Variants in RGPD3 observed in about 807,000 individuals in gnomAD.
RGPD3 encodes the protein RANBP2 like and GRIP domain containing 3.
In RGPD3, 62 loss-of-function variants were observed where a neutral mutation model predicts 154.5. The ratio of observed to expected loss-of-function variants is 0.40; its 90% CI spans 0.33 to 0.50. The LOEUF (loss-of-function observed/expected upper bound fraction) is 0.50. Ranked by LOEUF, RGPD3 falls within the 20% of genes least tolerant of loss-of-function variation. The probability of loss-of-function intolerance (pLI) is 0.59; values close to 1 mark genes in which losing one functional copy is unlikely to be tolerated. For synonymous variants in RGPD3, 308 were observed against 607.0 expected (o/e 0.51, Z 7.24); for missense variants, 919 against 1,716.8 (o/e 0.54, Z 8.21).
Position 106,403,617 on chromosome 2 carries a change from A to G in RGPD3, c.*1602T>C, listed in dbSNP as rs1676425135. Reference sequence around the variant, plus strand: ...CAAAGAGAAAGTGAAATATATTTAAATATGATTAGTTACATCGTATGCAGC... The same window carrying G: ...CAAAGAGAAAGTGAAATATATTTAAGTATGATTAGTTACATCGTATGCAGC... On this transcript the variant is annotated 3_prime_UTR_variant, in exon 23 of 23. Coordinates refer to ENST00000409886, the MANE Select transcript of RGPD3 (RefSeq NM_001144013.2). Among the ~76,000 whole-genome samples the G allele has an allele frequency of 2.0e-5, 3 of 152,302 alleles. No homozygotes were observed. The highest frequency in any genetic ancestry group is 6.5e-5 in the Admixed American group (1 of 15,294).
chr2:106,406,814 A>G (rs1403026033), intron 22 of RGPD3, among the ~76,000 whole-genome samples: 1 of 152,138 alleles, frequency 6.6e-6, no homozygotes, highest in Non-Finnish European at 1.5e-5. Context: ...GTGTTTTCAT[A>G]CGTATATATG....
intron 1 of RGPD3, among the ~76,000 whole-genome samples, chr2:106,466,013 C>T (rs111757886): frequency 4.6e-5 from 7 of 151,922 alleles, no homozygotes; most frequent in Admixed American, 6.6e-5. Flanking sequence ...TGACCTCCGC[C>T]GCAGCATATA....
At chr2:106,438,668 G>A (rs1172742250) in intron 9 of RGPD3, among the ~76,000 whole-genome samples, 2 of 151,890 alleles carry the variant, frequency 1.3e-5, no homozygotes, top group African/African-American at 2.4e-5. Flanking sequence ...TTGTAATCCC[G>A]CTACTTGGGA....
rs1368993944 is a variant in RGPD3, at chr2:106,403,746, T to C, written c.*1473A>G. On this transcript the variant is annotated 3_prime_UTR_variant, in exon 23 of 23. Coordinates refer to ENST00000409886, the MANE Select transcript of RGPD3 (RefSeq NM_001144013.2). ...TCATACATTCGCTAGTTAGGTCTGTTCTTCTAAGGAGGAAAGACGAGATAT... is the reference window on the plus strand; with the variant it reads ...TCATACATTCGCTAGTTAGGTCTGTCCTTCTAAGGAGGAAAGACGAGATAT... Among the ~76,000 whole-genome samples, 1 of 152,278 alleles carries C rather than the reference T, an allele frequency of 6.6e-6. No homozygotes were observed. The highest frequency in any genetic ancestry group is 2.4e-5 in the African/African-American group (1 of 41,484).
At chr2:106,410,662 T>G (rs1167951758) in intron 22 of RGPD3, among the ~76,000 whole-genome samples, 1 of 152,178 alleles carries the variant, frequency 6.6e-6, no homozygotes, top group Admixed American at 6.5e-5. Flanking sequence ...ACTATAAAAT[T>G]AGTTATAATT....
intron 1 of RGPD3, among the ~76,000 whole-genome samples, chr2:106,466,067 C>T (rs1426164234): frequency 6.6e-6 from 1 of 151,962 alleles, no homozygotes; most frequent in East Asian, 1.9e-4. Context: ...CGATACAGCA[C>T]CCGGGTGCCC....
In RGPD3 at chr2:106,414,602, AC is replaced by A. The variant is rs1320151214; in HGVS notation, c.5064+1247del. Among the ~76,000 whole-genome samples, 12 of 149,914 alleles carry A rather than the reference AC, an allele frequency of 8.0e-5. No homozygotes were observed. The East Asian group carries it at 2.0e-3, about 25-fold the overall frequency. On this transcript the variant is annotated intron_variant, in intron 21 of 22. Coordinates refer to ENST00000409886, the MANE Select transcript of RGPD3 (RefSeq NM_001144013.2). ...GCACCACTGCACTCCAAACCTAGTG[AC>A]AGAGCGAGACTATCTCAAAAAAAAA...
chr2:106,468,068 C>G, intron 1 of RGPD3, 149 bp downstream of exon 1: 2 of 1,011,652 alleles, frequency 2.0e-6, no homozygotes, highest in Non-Finnish European at 2.6e-6. Flanking sequence ...GCCGCAGGGC[C>G]AGGTCGAGGC....
At chr2:106,446,726 C>CA (rs1401402465) in intron 7 of RGPD3, among the ~76,000 whole-genome samples, 5 of 147,244 alleles carry the variant, frequency 3.4e-5, no homozygotes, top group African/African-American at 1.2e-4. Context: ...ATTAAAAATA[C>CA]AAAAAATTAG....
Position 106,415,844 on chromosome 2 carries a change from T to A in RGPD3, c.5064+6A>T. 1.2e-6 allele frequency: 2 copies of A among 1,611,790 alleles called. No homozygotes were observed. The highest frequency in any genetic ancestry group is 1.7e-6 in the Non-Finnish European group (2 of 1,179,818). ...TTTTTATGGTGGCCAGGTTTTCTGA[T>A]CTCACCTTAATTTGCTCCATAAGGA... On this transcript the variant is annotated splice_donor_region_variant and intron_variant, in intron 21 of 22. Coordinates refer to ENST00000409886, the MANE Select transcript of RGPD3 (RefSeq NM_001144013.2).
chr2:106,451,834 C>A (rs1678133277), intron 6 of RGPD3, among the ~76,000 whole-genome samples: 1 of 151,888 alleles, frequency 6.6e-6, no homozygotes, highest in Non-Finnish European at 1.5e-5. Flanking sequence ...GTGAACCTAG[C>A]CATCTGATGA....
chr2:106,420,800 G>A (rs1230378573), intron 20 of RGPD3, among the ~76,000 whole-genome samples: 224 of 152,246 alleles, frequency 1.5e-3, no homozygotes, highest in Middle Eastern at 3.4e-3. Context: ...TTTGAGATGC[G>A]GTCTTCCTTT....
At chr2:106,450,395 T>C (rs1034482447) in intron 6 of RGPD3, among the ~76,000 whole-genome samples, 2 of 146,270 alleles carry the variant, frequency 1.4e-5, no homozygotes, top group African/African-American at 5.1e-5. Context: ...TAAGCCACAC[T>C]GTGAAACTGC....
chr2:106,410,632 A>T (rs1328934767), intron 22 of RGPD3, among the ~76,000 whole-genome samples: 2 of 152,152 alleles, frequency 1.3e-5, no homozygotes, highest in Non-Finnish European at 2.9e-5. Flanking sequence ...AACGTTCTTA[A>T]AGTCCTGGTT....
At chr2:106,416,095 T>C (rs1221343942) in intron 20 of RGPD3, 106 bp from the exon 21 acceptor site, 1 of 1,526,198 alleles carries the variant, frequency 6.6e-7, no homozygotes, top group Non-Finnish European at 8.8e-7. Flanking sequence ...TGATATTTTA[T>C]AGCTCTGCTT....
intron 7 of RGPD3, among the ~76,000 whole-genome samples, chr2:106,441,819 G>C (rs1677751771): frequency 7.3e-6 from 1 of 136,392 alleles, no homozygotes; most frequent in Admixed American, 8.1e-5. Context: ...CGCCGAGACT[G>C]TGCCATTGCA....
At chr2:106,422,104 C>T (rs1317419046) in intron 20 of RGPD3, among the ~76,000 whole-genome samples, 6 of 152,090 alleles carry the variant, frequency 3.9e-5, no homozygotes, top group Non-Finnish European at 7.3e-5. Context: ...GGAAGGGGTG[C>T]TAGTCCAAAA....
chr2:106,462,859 A>G (rs1232237313), intron 1 of RGPD3, among the ~76,000 whole-genome samples: 1 of 150,826 alleles, frequency 6.6e-6, no homozygotes. Context: ...ATACAGGACA[A>G]TGAGGAAAAG....
At chr2:106,405,624 C>T (rs1373232369) in intron 22 of RGPD3, among the ~76,000 whole-genome samples, 2 of 152,190 alleles carry the variant, frequency 1.3e-5, no homozygotes, top group South Asian at 4.2e-4. Context: ...GATCCTCCCA[C>T]TTCAGCCTCA....
Sources: allele counts gnomAD v4.1 joint callset (sites outside exome capture counted in the v4.1 genomes callset), GRCh38; gene constraint gnomAD v4.1.1; transcripts MANE v1.5; gene names NCBI Gene and HGNC (gene_info 2026-07-23, HGNC 2026-07-21).